The following SLC25A48 variants were observed in gnomAD, a reference collection of about 807,000 sequenced individuals.
The protein encoded by SLC25A48 is solute carrier family 25 member 48.
SLC25A48 carries 29 observed loss-of-function variants against 32.2 expected under a neutral mutation model. The observed-to-expected ratio is 0.90, with a 90% CI of 0.67 to 1.23. SLC25A48 has a LOEUF of 1.23. Ranked by LOEUF, SLC25A48 falls within the 50% of genes most tolerant of loss-of-function variation. The probability of loss-of-function intolerance (pLI) is 0.00; values close to 1 mark genes in which losing one functional copy is unlikely to be tolerated. For synonymous variants in SLC25A48, 164 were observed against 172.3 expected, an observed-to-expected ratio of 0.95 and a Z score of 0.38; for missense variants, 399 against 422.7, an observed-to-expected ratio of 0.94 and a Z score of 0.49.
intron 3 of SLC25A48, among the ~76,000 whole-genome samples, chr5:135,774,056 A>G (rs1037897800): frequency 6.6e-6 from 1 of 151,674 alleles, no homozygotes; most frequent in Non-Finnish European, 1.5e-5. Flanking sequence ...CAGGGGGTAT[A>G]CACTCTCCCA....
At chr5:135,842,308 C>T in intron 1 of SLC25A48, 108 bp from the exon 2 acceptor site, 1 of 1,161,548 alleles carries the variant, frequency 8.6e-7, no homozygotes, top group Non-Finnish European at 1.3e-6. Flanking sequence ...CCCCCTACCC[C>T]AGCAATTGAC....
chr5:135,696,704 A>T (rs1364367503), intron 3 of SLC25A48, among the ~76,000 whole-genome samples: 1 of 152,138 alleles, frequency 6.6e-6, no homozygotes, highest in African/African-American at 2.4e-5. Context: ...CCCAGTTCCT[A>T]TTGAGGCTTC....
intron 1 of SLC25A48, among the ~76,000 whole-genome samples, chr5:135,611,496 C>CAAAAAAAAAA (rs57138043): frequency 3.3e-3 from 71 of 21,340 alleles, no homozygotes; most frequent in African/African-American, 6.2e-3. Flanking sequence ...GACTCCATCT[C>CAAAAAAAAAA]AAAAAAAAAA....
intron 3 of SLC25A48, among the ~76,000 whole-genome samples, chr5:135,748,041 A>T (rs143245907): frequency 2.0e-5 from 3 of 152,288 alleles, no homozygotes; most frequent in Non-Finnish European, 4.4e-5. Context: ...TGCCATCTGG[A>T]GCCCAATCTG....
Position 135,629,878 on chromosome 5 carries a change from C to T in SLC25A48, c.-709+502C>T, listed in dbSNP as rs1015051976. On this transcript the variant is annotated intron_variant, in intron 2 of 10. Transcript: ENST00000646290. The surrounding 1 kb of genome is among the most constrained non-coding windows in gnomAD (Gnocchi z 4.8). The stretch of plus-strand genomic sequence containing the variant: ...AGGGCAGAAACTATCAAGAACTTGC[C>T]GAAAGTAGTTGGAAGTCACAGGCAT... Among the ~76,000 whole-genome samples, 4 of 151,998 alleles carry T rather than the reference C, an allele frequency of 2.6e-5. No individual in the cohort carries two copies. The highest frequency in any genetic ancestry group is 7.2e-5 in the African/African-American group (3 of 41,382).
chr5:135,583,599 G>A (rs867159872), intron 1 of SLC25A48, among the ~76,000 whole-genome samples: 1 of 151,568 alleles, frequency 6.6e-6, no homozygotes, highest in South Asian at 2.1e-4. Context: ...CCCAGCAATG[G>A]GGTTGACTGC....
At chr5:135,863,795 G>A (rs1177569180) in intron 4 of SLC25A48, among the ~76,000 whole-genome samples, 1 of 152,168 alleles carries the variant, frequency 6.6e-6, no homozygotes, top group Non-Finnish European at 1.5e-5. Context: ...TGAGAAACTG[G>A]TGTTACTGAA....
chr5:135,596,526 C>G (rs1751655148), intron 1 of SLC25A48, among the ~76,000 whole-genome samples: 1 of 152,190 alleles, frequency 6.6e-6, no homozygotes, highest in African/African-American at 2.4e-5. Context: ...TGACTCTCTT[C>G]TCTTCACTTC....
intron 4 of SLC25A48, among the ~76,000 whole-genome samples, chr5:135,859,550 C>T (rs1419090789): frequency 6.6e-6 from 1 of 152,206 alleles, no homozygotes; most frequent in Non-Finnish European, 1.5e-5. Context: ...AGGCCAGCCA[C>T]ACCACGTGGG....
chr5:135,753,727 GAAT>G (rs1755826859), intron 3 of SLC25A48, among the ~76,000 whole-genome samples: 1 of 151,752 alleles, frequency 6.6e-6, no homozygotes, highest in African/African-American at 2.4e-5. Flanking sequence ...TTAGCAGTGA[GAAT>G]ATTATGCACA....
chr5:135,647,332 C>T (rs1752987888), intron 3 of SLC25A48, among the ~76,000 whole-genome samples: 1 of 152,132 alleles, frequency 6.6e-6, no homozygotes, highest in African/African-American at 2.4e-5. Flanking sequence ...TATATTTAGA[C>T]TTATTTTTAT....
intron 5 of SLC25A48, chr5:135,872,121 T>A (rs1761702274): frequency 1.4e-6 from 1 of 711,284 alleles, no homozygotes. Context: ...GGTCCAGAAA[T>A]GTTAAGTAGC....
intron 3 of SLC25A48, among the ~76,000 whole-genome samples, chr5:135,654,825 T>C (rs1753204800): frequency 6.6e-6 from 1 of 152,232 alleles, no homozygotes; most frequent in African/African-American, 2.4e-5. Flanking sequence ...GCCTGCAGCA[T>C]CAGCTGCTGC....
In SLC25A48 at chr5:135,842,587, C is replaced by T. The variant is rs1205389953; in HGVS notation, c.90+128C>T. 4.2e-6 allele frequency: 4 copies of T among 949,634 alleles called. No individual in the cohort carries two copies. The East Asian group carries it at 9.7e-5, about 23-fold the overall frequency. The allele number at this position is 949,634 out of a possible 1,614,324, so 58.8% of individuals were successfully genotyped here. A position where few individuals can be genotyped will look rare whatever the true frequency, so the allele number is the denominator to read the frequency against. On this transcript the variant is annotated intron_variant, in intron 2 of 7. Coordinates refer to ENST00000681962, the MANE Select transcript of SLC25A48 (RefSeq NM_001349336.2). Reference sequence around the variant, plus strand: ...CCAGGGCAGACTCTCTGTTGCCAGTCCAGGGGGTGTTGGGTGCCAGGAGGT... The same window carrying T: ...CCAGGGCAGACTCTCTGTTGCCAGTTCAGGGGGTGTTGGGTGCCAGGAGGT...
chr5:135,702,617 C>T (rs910440802), intron 3 of SLC25A48, among the ~76,000 whole-genome samples: 1 of 152,242 alleles, frequency 6.6e-6, no homozygotes, highest in African/African-American at 2.4e-5. Flanking sequence ...TGTAGAAAAG[C>T]AATGGACCAT....
At chr5:135,804,342 A>G (rs1173905266) in intron 3 of SLC25A48, among the ~76,000 whole-genome samples, 1 of 151,746 alleles carries the variant, frequency 6.6e-6, no homozygotes, top group Non-Finnish European at 1.5e-5. Context: ...CATTAAGAGT[A>G]ATATCTTCCT....
chr5:135,835,164 A>T (rs913676290), intron 1 of SLC25A48: 1 of 660,584 alleles, frequency 1.5e-6, no homozygotes, highest in Admixed American at 2.1e-5. Flanking sequence ...ATGATTAAAC[A>T]GCTCGTCAAA....
intron 3 of SLC25A48, among the ~76,000 whole-genome samples, chr5:135,735,345 G>GT: frequency 6.6e-6 from 1 of 152,146 alleles, no homozygotes. Context: ...AATTTTTGAA[G>GT]TTTTTTTCTA....
At chr5:135,772,372 G>A (rs992788944) in intron 3 of SLC25A48, among the ~76,000 whole-genome samples, 7 of 151,564 alleles carry the variant, frequency 4.6e-5, no homozygotes, top group African/African-American at 1.7e-4. Flanking sequence ...TGCAGGGTGT[G>A]TACACTCCCC....
Sources: allele counts gnomAD v4.1 joint callset (sites outside exome capture counted in the v4.1 genomes callset), GRCh38; gene constraint gnomAD v4.1.1; non-coding constraint Gnocchi (gnomAD v3.1); transcripts MANE v1.5; gene names NCBI Gene and HGNC (gene_info 2026-07-23, HGNC 2026-07-21).